ZNF385B: variants seen among roughly 807,000 people sequenced by gnomAD.
ZNF385B encodes zinc finger protein 533.
In ZNF385B, 23 loss-of-function variants were observed where a neutral mutation model predicts 39.2. The observed-to-expected ratio is 0.59, with a 90% CI of 0.42 to 0.83. ZNF385B has a LOEUF of 0.83. Among genes scored for constraint, ZNF385B ranks in the 40% least tolerant of loss-of-function variants. The probability of loss-of-function intolerance (pLI) is 0.00; values close to 1 mark genes in which losing one functional copy is unlikely to be tolerated. For missense variants in ZNF385B, 552 were observed against 598.9 expected (o/e 0.92, Z 0.82); for synonymous variants, 205 against 222.6 (o/e 0.92, Z 0.70).
rs1159175006 is a variant in ZNF385B at position 179,520,049 on chromosome 2, G to T, written c.442-1411C>A. Among the ~76,000 whole-genome samples, 3 of 152,022 alleles carry T rather than the reference G, an allele frequency of 2.0e-5. No homozygotes were observed. In the East Asian group the frequency reaches 5.8e-4, roughly 29 times the overall value. ...TGGGACACTTAAAAATTTTAAGAGG[G>T]TTCCAGGTGCAGGGGCTTATGCCTA... On this transcript the variant is annotated intron_variant, in intron 4 of 9. Transcript: ENST00000410066.
At chr2:179,765,033 T>C (rs1425500272) in intron 3 of ZNF385B, among the ~76,000 whole-genome samples, 1 of 151,866 alleles carries the variant, frequency 6.6e-6, no homozygotes, top group Non-Finnish European at 1.5e-5. Context: ...TATGCTGGAA[T>C]AACACCATTG....
intron 1 of ZNF385B, among the ~76,000 whole-genome samples, chr2:179,800,772 A>G (rs1250778724): frequency 6.6e-6 from 1 of 152,126 alleles, no homozygotes; most frequent in Non-Finnish European, 1.5e-5. Context: ...ATTTAACAAT[A>G]TAAAGAATTT....
At chr2:179,647,766 A>G (rs1287910757) in intron 3 of ZNF385B, among the ~76,000 whole-genome samples, 2 of 152,250 alleles carry the variant, frequency 1.3e-5, no homozygotes, top group Non-Finnish European at 2.9e-5. Flanking sequence ...GGGGAGAGAA[A>G]GAGACTCAGA....
At chr2:179,569,364 G>A (rs1684954342) in intron 3 of ZNF385B, among the ~76,000 whole-genome samples, 1 of 152,166 alleles carries the variant, frequency 6.6e-6, no homozygotes, top group African/African-American at 2.4e-5. Flanking sequence ...TAAACATTAA[G>A]TAGTATCTTC....
chr2:179,602,171 T>C (rs1688459450), intron 3 of ZNF385B, among the ~76,000 whole-genome samples: 1 of 152,204 alleles, frequency 6.6e-6, no homozygotes. Context: ...AAGGTGCAAT[T>C]AGAATTAGAC....
intron 1 of ZNF385B, among the ~76,000 whole-genome samples, chr2:179,844,280 T>G (rs991161418): frequency 1.3e-5 from 2 of 152,234 alleles, no homozygotes; most frequent in Admixed American, 6.5e-5. Flanking sequence ...CTAAATGATT[T>G]TTAAATTTCC....
chr2:179,470,945 C>T (rs1574306770), intron 6 of ZNF385B, among the ~76,000 whole-genome samples: 1 of 152,152 alleles, frequency 6.6e-6, no homozygotes, highest in Non-Finnish European at 1.5e-5. Context: ...TGACTTGTAA[C>T]CATATGGTAG....
At chr2:179,826,378 A>G (rs1707684533) in intron 1 of ZNF385B, among the ~76,000 whole-genome samples, 1 of 152,178 alleles carries the variant, frequency 6.6e-6, no homozygotes, top group African/African-American at 2.4e-5. Context: ...TCAGGGATAG[A>G]GGTAGAAGGC....
At chr2:179,488,852 A>T (rs540226758) in intron 5 of ZNF385B, among the ~76,000 whole-genome samples, 7 of 152,316 alleles carry the variant, frequency 4.6e-5, no homozygotes, top group African/African-American at 1.7e-4. Flanking sequence ...TAAACTAACA[A>T]AGGGGAAACC....
intron 3 of ZNF385B, among the ~76,000 whole-genome samples, chr2:179,628,509 A>C (rs1371288037): frequency 6.6e-6 from 1 of 152,174 alleles, no homozygotes; most frequent in Non-Finnish European, 1.5e-5. Context: ...GAACAGATAC[A>C]TGTCCTATTT....
At chr2:179,482,324 A>G (rs2054089428) in intron 6 of ZNF385B, among the ~76,000 whole-genome samples, 1 of 152,202 alleles carries the variant, frequency 6.6e-6, no homozygotes. Context: ...TTCCCACAAG[A>G]GGGAGGCCCC....
chr2:179,504,827 A>C (rs1207512752), intron 5 of ZNF385B, among the ~76,000 whole-genome samples: 4 of 151,764 alleles, frequency 2.6e-5, no homozygotes, highest in Admixed American at 2.0e-4. Flanking sequence ...AAAAAAAAAA[A>C]CCAGATCTCA....
intron 6 of ZNF385B, among the ~76,000 whole-genome samples, chr2:179,457,361 A>G (rs1432047274): frequency 6.6e-6 from 1 of 152,154 alleles, no homozygotes; most frequent in Non-Finnish European, 1.5e-5. Context: ...GTTTTTTGGT[A>G]GACATAAATA....
chr2:179,586,656 T>C (rs1463156048), intron 3 of ZNF385B, among the ~76,000 whole-genome samples: 1 of 152,092 alleles, frequency 6.6e-6, no homozygotes, highest in African/African-American at 2.4e-5. Flanking sequence ...TTCAAGAAGG[T>C]TTTAATGTGA....
intron 3 of ZNF385B, among the ~76,000 whole-genome samples, chr2:179,613,950 C>T (rs942929596): frequency 2.0e-5 from 3 of 149,492 alleles, no homozygotes; most frequent in African/African-American, 4.9e-5. Context: ...CCTCCTTGGG[C>T]GCCAGCTGAG....
intron 4 of ZNF385B, among the ~76,000 whole-genome samples, chr2:179,542,093 C>T (rs892009709): frequency 3.9e-5 from 6 of 152,240 alleles, no homozygotes; most frequent in South Asian, 2.1e-4. Flanking sequence ...GATGTAATAG[C>T]GTTTTCCTAG....
chr2:179,771,975 G>T (rs2106508402), intron 1 of ZNF385B, among the ~76,000 whole-genome samples: 1 of 152,214 alleles, frequency 6.6e-6, no homozygotes, highest in South Asian at 2.1e-4. Context: ...ACTCAGAGGA[G>T]AACTGTTGAC....
chr2:179,789,610 C>T (rs753969096), intron 1 of ZNF385B, among the ~76,000 whole-genome samples: 2 of 152,042 alleles, frequency 1.3e-5, no homozygotes, highest in Non-Finnish European at 1.5e-5. Context: ...ATTATACAAC[C>T]AAGAAAAATT....
At chr2:179,719,201 C>T (rs976666096) in intron 3 of ZNF385B, among the ~76,000 whole-genome samples, 1 of 152,094 alleles carries the variant, frequency 6.6e-6, no homozygotes, top group Non-Finnish European at 1.5e-5. Context: ...AAAGGACATC[C>T]AGGGTAAACA....
Sources: gnomAD v4.1 joint callset for allele counts (sites outside exome capture counted in the v4.1 genomes callset) on GRCh38, gnomAD v4.1.1 for gene constraint, MANE v1.5 for transcripts, NCBI Gene and HGNC (gene_info 2026-07-23, HGNC 2026-07-21) for gene names.